Variants in DOCK2 observed in about 807,000 individuals in gnomAD.
The protein encoded by DOCK2 is dedicator of cytokinesis 2.
DOCK2 carries 87 observed loss-of-function variants against 248.9 expected under a neutral mutation model. The ratio of observed to expected loss-of-function variants is 0.35; its 90% CI spans 0.29 to 0.42. DOCK2 has a LOEUF of 0.42. DOCK2 is among the 10% of genes least tolerant of loss of function. The pLI is 1.00. For missense variants in DOCK2, 1,747 were observed against 2,300.2 expected (o/e 0.76, Z 4.92); for synonymous variants, 805 against 821.6 (o/e 0.98, Z 0.35).
chr5:169,981,157 A>G (rs1339996605), intron 27 of DOCK2, among the ~76,000 whole-genome samples: 1 of 152,204 alleles, frequency 6.6e-6, no homozygotes, highest in East Asian at 1.9e-4. Context: ...TCCTGCTGAC[A>G]AGGAAAGCAT....
At chr5:169,865,874 C>T (rs1363508979) in intron 27 of DOCK2, among the ~76,000 whole-genome samples, 2 of 152,248 alleles carry the variant, frequency 1.3e-5, no homozygotes, top group African/African-American at 4.8e-5. Flanking sequence ...GACATCTGCC[C>T]TTGCTTACTC....
chr5:169,812,821 T>C (rs1301005604), intron 26 of DOCK2, among the ~76,000 whole-genome samples: 1 of 152,242 alleles, frequency 6.6e-6, no homozygotes, highest in Non-Finnish European at 1.5e-5. Flanking sequence ...TAAAGTGGCT[T>C]CCTGGGAGAA....
intron 40 of DOCK2, 104 bp from the exon 41 acceptor site, chr5:170,050,152 A>G (rs1043977486): frequency 7.0e-7 from 1 of 1,436,968 alleles, no homozygotes. Flanking sequence ...GATGCACTGG[A>G]CATCCCCATG....
chr5:169,891,933 T>C (rs1581368730), intron 27 of DOCK2, among the ~76,000 whole-genome samples: 1 of 148,488 alleles, frequency 6.7e-6, no homozygotes, highest in Non-Finnish European at 1.5e-5. Context: ...GAGGCGGAGG[T>C]TGCAGTGAGC....
Position 170,081,860 on chromosome 5 carries a change from C to T in DOCK2, c.5306C>T (p.Ala1769Val). 6.2e-7 allele frequency: 1 copy of T among 1,613,090 alleles called. No individual in the cohort carries two copies. Among genetic ancestry groups the T allele is most frequent in the Non-Finnish European group, 8.5e-7 (1 of 1,179,740 alleles). Residue 1769 changes from alanine (A) to valine (V), a missense_variant, in exon 51 of 52, where the codon GCA (alanine) becomes GTA (valine). Physicochemically the swap from Ala to Val is moderately conservative, Grantham distance 64. Around this residue, in one of 4 missense-constraint regions of DOCK2, gnomAD observed 513 missense variants for 586.1 expected, o/e 0.88. Coordinates refer to ENST00000520908, the MANE Select transcript of DOCK2 (RefSeq NM_004946.3). Reference sequence around the variant, plus strand: ...CTTCCAGCCCTGGCGCTCTCAGTGGCAGGCATCCCTGGGTTGGATGAGGCC... The same window carrying T: ...CTTCCAGCCCTGGCGCTCTCAGTGGTAGGCATCCCTGGGTTGGATGAGGCC... ...PTIPALALSV[A>V]GIPGLDEANT...
intron 8 of DOCK2, among the ~76,000 whole-genome samples, chr5:169,688,348 C>T (rs1327865163): frequency 6.6e-6 from 1 of 152,198 alleles, no homozygotes; most frequent in Non-Finnish European, 1.5e-5. Context: ...TATTTCATGT[C>T]ATTTCCTCAG....
At chr5:169,859,276 A>C (rs2113398764) in intron 27 of DOCK2, among the ~76,000 whole-genome samples, 1 of 152,280 alleles carries the variant, frequency 6.6e-6, no homozygotes, top group African/African-American at 2.4e-5. Flanking sequence ...GCAAAACCTC[A>C]GGAGTAGGGG....
chr5:170,079,295 G>T, intron 49 of DOCK2, 149 bp downstream of exon 49: 1 of 1,118,984 alleles, frequency 8.9e-7, no homozygotes, highest in Non-Finnish European at 1.2e-6. Flanking sequence ...CTGAGGAGCT[G>T]AGAGGTGAAG....
At chr5:169,813,563 G>A (rs1460524088) in intron 26 of DOCK2, among the ~76,000 whole-genome samples, 1 of 152,192 alleles carries the variant, frequency 6.6e-6, no homozygotes, top group Non-Finnish European at 1.5e-5. Context: ...AGAGACCCAA[G>A]GGAGATGCCT....
intron 22 of DOCK2, among the ~76,000 whole-genome samples, chr5:169,721,556 A>T (rs1762205071): frequency 6.6e-6 from 1 of 152,236 alleles, no homozygotes; most frequent in South Asian, 2.1e-4. Context: ...AGCTGTTGGG[A>T]AATCAGAATT....
chr5:169,880,820 CA>C (rs1386580962), intron 27 of DOCK2, among the ~76,000 whole-genome samples: 1 of 152,138 alleles, frequency 6.6e-6, no homozygotes, highest in African/African-American at 2.4e-5. Flanking sequence ...TCCCTTTTGT[CA>C]CTTATAAAAA....
intron 27 of DOCK2, among the ~76,000 whole-genome samples, chr5:169,918,477 A>T (rs1307812839): frequency 1.3e-5 from 2 of 152,234 alleles, no homozygotes; most frequent in African/African-American, 4.8e-5. Flanking sequence ...CAGAATATTC[A>T]TGCTGAGAGC....
At chr5:169,836,168 A>G (rs866449005) in intron 26 of DOCK2, among the ~76,000 whole-genome samples, 5 of 152,228 alleles carry the variant, frequency 3.3e-5, no homozygotes, top group Admixed American at 6.5e-5. Context: ...GTGTAAAAGT[A>G]GATTTCTCAA....
intron 27 of DOCK2, among the ~76,000 whole-genome samples, chr5:169,903,847 C>G (rs2113592359): frequency 6.6e-6 from 1 of 152,036 alleles, no homozygotes; most frequent in African/African-American, 2.4e-5. Flanking sequence ...TGCCTGTAAT[C>G]CCAGCACTTT....
At chr5:169,981,899 C>T (rs908963783) in intron 27 of DOCK2, among the ~76,000 whole-genome samples, 5 of 151,936 alleles carry the variant, frequency 3.3e-5, no homozygotes, top group African/African-American at 4.8e-5. Context: ...ACTGAGAAGC[C>T]AAAACATTCA....
chr5:169,925,435 C>A (rs1189248705), intron 27 of DOCK2, among the ~76,000 whole-genome samples: 2 of 152,062 alleles, frequency 1.3e-5, no homozygotes, highest in East Asian at 1.9e-4. Flanking sequence ...CAAAAATTAA[C>A]TGAGCGTGGT....
At chr5:169,739,697 C>T (rs1242821366) in intron 22 of DOCK2, among the ~76,000 whole-genome samples, 2 of 152,084 alleles carry the variant, frequency 1.3e-5, no homozygotes, top group Non-Finnish European at 2.9e-5. Context: ...ATAGAAACCT[C>T]CTAGATTGTA....
intron 26 of DOCK2, among the ~76,000 whole-genome samples, chr5:169,804,395 C>A (rs905485609): frequency 6.7e-6 from 1 of 149,924 alleles, no homozygotes. Context: ...CAATATATAA[C>A]GACTAAAATC....
At chr5:170,064,756 A>G (rs947201939) in intron 44 of DOCK2, among the ~76,000 whole-genome samples, 2 of 152,168 alleles carry the variant, frequency 1.3e-5, no homozygotes, top group African/African-American at 4.8e-5. Context: ...TAGATCCAGA[A>G]AGCCCAAAGG....
Sources: gnomAD v4.1 joint callset for allele counts (sites outside exome capture counted in the v4.1 genomes callset) on GRCh38, gnomAD v4.1.1 for gene constraint, gnomAD v4.1.1 regional missense constraint, MANE v1.5 for transcripts, NCBI Gene and HGNC (gene_info 2026-07-23, HGNC 2026-07-21) for gene names.